LRRTM1: variants seen among roughly 807,000 people sequenced by gnomAD.
LRRTM1 encodes the protein leucine-rich repeat transmembrane neuronal protein 1.
A neutral mutation model predicts 37.3 loss-of-function variants in LRRTM1; 8 were observed. The ratio of observed to expected loss-of-function variants is 0.21; its 90% CI spans 0.13 to 0.39. The LOEUF is 0.39. LRRTM1 is among the 10% of genes least tolerant of loss of function. LRRTM1 has a pLI of 1.00. For missense variants in LRRTM1, 557 were observed against 691.0 expected (o/e 0.81, Z 2.17); for synonymous variants, 326 against 316.8 (o/e 1.03, Z -0.31).
At chr2:80,290,947 T>C (rs1469259781) in intron 2 of LRRTM1, among the ~76,000 whole-genome samples, 1 of 152,208 alleles carries the variant, frequency 6.6e-6, no homozygotes, top group Non-Finnish European at 1.5e-5. Flanking sequence ...GCTCTAGCAT[T>C]CCCTGCTAGT....
intron 2 of LRRTM1, among the ~76,000 whole-genome samples, chr2:80,290,038 T>TA (rs1224551359): frequency 6.6e-6 from 1 of 152,160 alleles, no homozygotes; most frequent in East Asian, 1.9e-4. Context: ...AATCTTTGCA[T>TA]AGGACCTCAC....
chr2:80,301,497 G>C (rs1325918736), downstream of LRRTM1, among the ~76,000 whole-genome samples: 3 of 152,158 alleles, frequency 2.0e-5, no homozygotes, highest in Non-Finnish European at 4.4e-5. Flanking sequence ...GTGTTCCTAG[G>C]AGAAACTGTC....
Position 80,303,786 on chromosome 2 carries a change from A to G in LRRTM1, c.34T>C (p.Trp12Arg). The change falls in exon 2 of 2, where the codon TGG becomes CGG. Residue 12 changes from tryptophan to arginine, a missense_variant. Around this residue, in one of 5 missense-constraint regions of LRRTM1, gnomAD observed 140 missense variants for 138.1 expected, o/e 1.01. Coordinates refer to ENST00000295057, the MANE Select transcript of LRRTM1 (RefSeq NM_178839.5). This position sits in a 1 kb window ranked among gnomAD's most constrained non-coding sequence, Gnocchi z 7.7. ...ACCCCCGAGGGCCTCCTCAGCAGCC[A>G]GTATAGACAGAGACCGAGCAGCAGG... The part of the protein sequence containing the change: ...DFLLLGLCLY[W>R]LLRRPSGVVL... 1 of 1,534,448 alleles carries G rather than the reference A, an allele frequency of 6.5e-7. No homozygotes were observed. Among genetic ancestry groups the G allele is most frequent in the Non-Finnish European group, 8.8e-7 (1 of 1,142,184 alleles).
In LRRTM1 at chr2:80,303,768, A is replaced by G. The variant is rs758074255; in HGVS notation, c.52T>C (p.Ser18Pro). The part of the protein sequence containing the change: ...LCLYWLLRRP[S>P]GVVLCLLGAC... ...CCCAGCAGACACAAGACCACCCCCG[A>G]GGGCCTCCTCAGCAGCCAGTATAGA... The change falls in exon 2 of 2, where the codon TCG becomes CCG. Residue 18 changes from serine to proline, a missense_variant. Transcript: ENST00000295057. The surrounding 1 kb of genome is among the most constrained non-coding windows in gnomAD (Gnocchi z 7.7). 193 of 1,569,624 alleles carry G rather than the reference A, an allele frequency of 1.2e-4. No homozygotes were observed. Among genetic ancestry groups the G allele is most frequent in the Non-Finnish European group, 1.5e-4 (175 of 1,159,024 alleles).
At position 80,304,291 on chromosome 2, in the gene LRRTM1, C is replaced by T. The variant is rs1467460619; in HGVS notation, c.-199G>A. On this transcript the variant is annotated 5_prime_UTR_variant, in exon 1 of 2. Transcript: ENST00000295057. Reference sequence around the variant, plus strand: ...GGCGGATCTGGCAGGCGCACAATGTCTCACTTTGCTGCTCGGCTCGGGGCT... The same window carrying T: ...GGCGGATCTGGCAGGCGCACAATGTTTCACTTTGCTGCTCGGCTCGGGGCT... 3 of 153,802 alleles carry T rather than the reference C, an allele frequency of 2.0e-5. No homozygotes were observed. The highest frequency in any genetic ancestry group is 4.4e-5 in the Non-Finnish European group (3 of 68,922). 9.5% of individuals were successfully genotyped at this position (153,802 alleles called of 1,614,324 possible).
chr2:80,303,205 G>A lies in LRRTM1; in HGVS notation c.615C>T (p.Phe205=), dbSNP rs1676534997. The A allele has an allele frequency of 1.2e-6, 2 of 1,613,932 alleles. No individual in the cohort carries two copies. The highest frequency in any genetic ancestry group is 2.2e-5 in the East Asian group (1 of 44,856). ...GCTCGGTGAGCTTAAACAAGCCGGC[G>A]AAAGAGTTGCGCGCCAGACTCTTGA... ...NQLKSLARNS[F]AGLFKLTELH... The change falls in exon 2 of 2, where the codon TTC becomes TTT. Residue 205 remains phenylalanine (F), a synonymous_variant. Transcript: ENST00000295057. This position sits in a 1 kb window ranked among gnomAD's most constrained non-coding sequence, Gnocchi z 7.7.
rs1221497295 is a variant in LRRTM1, at chr2:80,303,171, C to G, written c.649G>C (p.Glu217Gln). 2 of 1,613,992 alleles carry G rather than the reference C, an allele frequency of 1.2e-6. No individual in the cohort carries two copies. Among genetic ancestry groups the G allele is most frequent in the Non-Finnish European group, 1.7e-6 (2 of 1,179,990 alleles). The change falls in exon 2 of 2, where the codon GAG (glutamate) becomes CAG (glutamine). Residue 217 changes from glutamate (E) to glutamine (Q), a missense_variant. This residue lies in a region of LRRTM1 where 200 missense variants were observed against 249.9 expected (regional missense o/e 0.80). Coordinates refer to ENST00000295057, the MANE Select transcript of LRRTM1 (RefSeq NM_178839.5). The surrounding 1 kb of genome is among the most constrained non-coding windows in gnomAD (Gnocchi z 7.7). Reference sequence around the variant, plus strand: ...TTCACCTTGACCAAGTCGTTGTGCTCGAGGTGCAGCTCGGTGAGCTTAAAC... The same window carrying G: ...TTCACCTTGACCAAGTCGTTGTGCTGGAGGTGCAGCTCGGTGAGCTTAAAC... ...GLFKLTELHLEHNDLVKVNFA... is the reference protein window; with the variant it reads ...GLFKLTELHLQHNDLVKVNFA...
At chr2:80,301,003 C>T (rs2149203672), downstream of LRRTM1, among the ~76,000 whole-genome samples, 1 of 152,032 alleles carries the variant, frequency 6.6e-6, no homozygotes, top group Non-Finnish European at 1.5e-5. Flanking sequence ...TGAGAAGAGG[C>T]AGCTTTTCTG....
chr2:80,297,821 A>C (rs1481095941), downstream of LRRTM1, among the ~76,000 whole-genome samples: 1 of 152,126 alleles, frequency 6.6e-6, no homozygotes, highest in Non-Finnish European at 1.5e-5. Flanking sequence ...AATGCCTGAA[A>C]ATACCATCAG....
At chr2:80,299,835 G>A (rs1676082409), downstream of LRRTM1, 1 of 152,166 alleles carries the variant, frequency 6.6e-6, no homozygotes, top group Non-Finnish European at 1.5e-5. Context: ...AGCTTTCCCT[G>A]TAAGCACACC....
chr2:80,304,064 T>C, intron 1 of LRRTM1, 88 bp downstream of exon 1: 1 of 426,640 alleles, frequency 2.3e-6, no homozygotes, highest in Non-Finnish European at 4.1e-6. Flanking sequence ...GAGATGGTGA[T>C]TTGGTCCATG....
At position 80,303,740 on chromosome 2, in the gene LRRTM1, G is replaced by T; in HGVS notation, c.80C>A (p.Ala27Asp). 1.3e-6 allele frequency: 2 copies of T among 1,597,630 alleles called. No individual in the cohort carries two copies. Among genetic ancestry groups the T allele is most frequent in the South Asian group, 2.3e-5 (2 of 87,878 alleles). Residue 27 changes from alanine to aspartate, a missense_variant, in exon 2 of 2, where the codon GCC becomes GAC. Ala to Asp is a moderately radical substitution (Grantham distance 126, BLOSUM62 -2). Coordinates refer to ENST00000295057, the MANE Select transcript of LRRTM1 (RefSeq NM_178839.5). The surrounding 1 kb of genome is among the most constrained non-coding windows in gnomAD (Gnocchi z 7.7). ...PSGVVLCLLGACFQMLPAAPS... is the reference protein window; with the variant it reads ...PSGVVLCLLGDCFQMLPAAPS... ...GGCGGCGGGCAGCATCTGAAAGCAG[G>T]CCCCCAGCAGACACAAGACCACCCC... is the stretch of plus-strand genomic sequence containing the variant.
In LRRTM1 at chr2:80,303,631, G is replaced by T; in HGVS notation, c.189C>A (p.Asn63Lys). The change falls in exon 2 of 2, where the codon AAC (asparagine) becomes AAA (lysine). Residue 63 changes from asparagine (N) to lysine (K), a missense_variant. Coordinates refer to ENST00000295057, the MANE Select transcript of LRRTM1 (RefSeq NM_178839.5). This position sits in a 1 kb window ranked among gnomAD's most constrained non-coding sequence, Gnocchi z 7.7. Reference sequence around the variant, plus strand: ...GGGACAAGCCCAGCAGGCCGGACAGGTTGTGGGGCGCCTCGGTGAGGTTGA... The same window carrying T: ...GGGACAAGCCCAGCAGGCCGGACAGTTTGTGGGGCGCCTCGGTGAGGTTGA... ...EALNLTEAPH[N>K]LSGLLGLSLR... 1 of 1,613,794 alleles carries T rather than the reference G, an allele frequency of 6.2e-7. No individual in the cohort carries two copies. The highest frequency in any genetic ancestry group is 8.5e-7 in the Non-Finnish European group (1 of 1,179,790).
In LRRTM1 at chr2:80,303,762, C is replaced by T. The variant is rs1341004953; in HGVS notation, c.58G>A (p.Val20Met). Residue 20 changes from valine to methionine, a missense_variant, in exon 2 of 2, where the codon GTG becomes ATG. Transcript: ENST00000295057. This position sits in a 1 kb window ranked among gnomAD's most constrained non-coding sequence, Gnocchi z 7.7. Reference protein sequence around the residue: ...LYWLLRRPSGVVLCLLGACFQ... With the variant: ...LYWLLRRPSGMVLCLLGACFQ... ...CAGGCCCCCAGCAGACACAAGACCA[C>T]CCCCGAGGGCCTCCTCAGCAGCCAG... is the stretch of plus-strand genomic sequence containing the variant. 5 of 1,571,058 alleles carry T rather than the reference C, an allele frequency of 3.2e-6. No homozygotes were observed. The highest frequency in any genetic ancestry group is 4.3e-6 in the Non-Finnish European group (5 of 1,159,876).
At chr2:80,299,657 A>C (rs1676067437), downstream of LRRTM1, 1 of 152,252 alleles carries the variant, frequency 6.6e-6, no homozygotes, top group African/African-American at 2.4e-5. Flanking sequence ...GCATAAAACA[A>C]AGCACGATTA....
rs1676564495 is a variant in LRRTM1, at chr2:80,303,428, G to T, written c.392C>A (p.Thr131Asn). The stretch of plus-strand genomic sequence containing the variant: ...CAGGTTGGGCATGGGCCGGAAGGTG[G>T]TGTTGGGCAGTTGGGTGATCTGGTT... ...SSNQITQLPN[T>N]TFRPMPNLRS... The change falls in exon 2 of 2, where the codon ACC (threonine) becomes AAC (asparagine). Residue 131 changes from threonine (T) to asparagine (N), a missense_variant. By Grantham distance (65) the Thr-to-Asn change is moderately conservative. Around this residue, in one of 5 missense-constraint regions of LRRTM1, gnomAD observed 38 missense variants for 72.9 expected, o/e 0.52. Coordinates refer to ENST00000295057, the MANE Select transcript of LRRTM1 (RefSeq NM_178839.5). This position sits in a 1 kb window ranked among gnomAD's most constrained non-coding sequence, Gnocchi z 7.7. 2 of 1,614,108 alleles carry T rather than the reference G, an allele frequency of 1.2e-6. No homozygotes were observed. The highest frequency in any genetic ancestry group is 1.7e-6 in the Non-Finnish European group (2 of 1,180,046).
Position 80,302,508 on chromosome 2 carries a change from A to G in LRRTM1, c.1312T>C (p.Ser438Pro). 1 of 1,613,302 alleles carries G rather than the reference A, an allele frequency of 6.2e-7. No homozygotes were observed. The highest frequency in any genetic ancestry group is 8.5e-7 in the Non-Finnish European group (1 of 1,180,034). ...VVTGTMALIF[S>P]FLIVVLVLYV... ...AGCACCAGGACCACGATGAGGAAGG[A>G]GAAGATGAGGGCCATGGTGCCCGTG... The change falls in exon 2 of 2, where the codon TCC becomes CCC. Residue 438 changes from serine to proline, a missense_variant. Ser to Pro is a moderately conservative substitution (Grantham distance 74). This residue lies in a region of LRRTM1 where 90 missense variants were observed against 149.4 expected (regional missense o/e 0.60). Transcript: ENST00000295057. This position sits in a 1 kb window ranked among gnomAD's most constrained non-coding sequence, Gnocchi z 6.4.
downstream of LRRTM1, among the ~76,000 whole-genome samples, chr2:80,296,967 C>A (rs1319508926): frequency 6.6e-6 from 1 of 152,160 alleles, no homozygotes; most frequent in Non-Finnish European, 1.5e-5. Flanking sequence ...AAATCCCTGA[C>A]AATAACATAT....
intron 2 of LRRTM1, among the ~76,000 whole-genome samples, chr2:80,290,908 A>G (rs1558973505): frequency 6.6e-6 from 1 of 152,226 alleles, no homozygotes; most frequent in Non-Finnish European, 1.5e-5. Context: ...GTAAAACACT[A>G]AACTGACGAT....
Sources: gnomAD v4.1 joint callset for allele counts (sites outside exome capture counted in the v4.1 genomes callset) on GRCh38, gnomAD v4.1.1 for gene constraint, gnomAD v4.1.1 regional missense constraint, Gnocchi (gnomAD v3.1) non-coding constraint, MANE v1.5 for transcripts, NCBI Gene and HGNC (gene_info 2026-07-23, HGNC 2026-07-21) for gene names.